The following FBXO21 variants were observed in gnomAD, a reference collection of about 807,000 sequenced individuals.
FBXO21 encodes F-box protein 21, also known as F-box only protein 21.
A neutral mutation model predicts 76.6 loss-of-function variants in FBXO21; 32 were observed. The ratio of observed to expected loss-of-function variants is 0.42; its 90% CI spans 0.32 to 0.56. FBXO21 has a LOEUF of 0.56. FBXO21 is among the 20% of genes least tolerant of loss of function. The probability of loss-of-function intolerance (pLI) is 0.16; values close to 1 mark genes in which losing one functional copy is unlikely to be tolerated. For synonymous variants in FBXO21, 328 were observed against 311.5 expected, an observed-to-expected ratio of 1.05 and a Z score of -0.56; for missense variants, 586 against 797.3, an observed-to-expected ratio of 0.73 and a Z score of 3.19.
chr12:117,166,146 C>T (rs1050449478), intron 8 of FBXO21, among the ~76,000 whole-genome samples: 5 of 148,452 alleles, frequency 3.4e-5, no homozygotes, highest in Non-Finnish European at 5.9e-5. Flanking sequence ...ACTGAGATCA[C>T]GCCATTGCAC....
intron 11 of FBXO21, among the ~76,000 whole-genome samples, chr12:117,150,949 A>G (rs1420094590): frequency 2.6e-5 from 3 of 116,792 alleles, no homozygotes; most frequent in African/African-American, 7.1e-5. Context: ...GGAAGTATCA[A>G]ATAAGTTTGT....
chr12:117,151,257 C>A (rs995757097), intron 11 of FBXO21, among the ~76,000 whole-genome samples: 1 of 152,100 alleles, frequency 6.6e-6, no homozygotes, highest in African/African-American at 2.4e-5. Context: ...CACTCTCCCA[C>A]CCAGGGCCAT....
intron 9 of FBXO21, among the ~76,000 whole-genome samples, chr12:117,158,950 T>TA (rs1401907536): frequency 6.6e-6 from 1 of 152,206 alleles, no homozygotes; most frequent in Non-Finnish European, 1.5e-5. Context: ...TCCTTCCAAT[T>TA]TACTGAGTCC....
intron 2 of FBXO21, among the ~76,000 whole-genome samples, chr12:117,188,520 G>T (rs558557194): frequency 6.6e-6 from 1 of 151,844 alleles, no homozygotes; most frequent in Admixed American, 6.6e-5. Flanking sequence ...ACTCCAGCCG[G>T]GGAGACAAAG....
chr12:117,166,178 G>A (rs1222487797), intron 8 of FBXO21, among the ~76,000 whole-genome samples: 1 of 131,432 alleles, frequency 7.6e-6, no homozygotes, highest in Non-Finnish European at 1.6e-5. Context: ...CAACAAGAGC[G>A]AAACTATGTC....
chr12:117,189,243 C>CTCTTT lies in FBXO21; in HGVS notation c.354_358dup (p.Arg120LysfsTer35). ...GATCCTTACGTGCTCTGAAAAGAAC[C>CTCTTT]TCTTTGAGAACGAGGCTACAATCTT... On this transcript the variant is annotated frameshift_variant, in exon 2 of 12. Coordinates refer to ENST00000622495, the MANE Select transcript of FBXO21 (RefSeq NM_015002.3). LOFTEE classifies it high-confidence loss of function. 6.2e-7 allele frequency: 1 copy of CTCTTT among 1,614,206 alleles called. No homozygotes were observed. Among genetic ancestry groups the CTCTTT allele is most frequent in the Non-Finnish European group, 8.5e-7 (1 of 1,180,046 alleles).
chr12:117,150,866 A>G (rs920364086), intron 11 of FBXO21, among the ~76,000 whole-genome samples: 2 of 78,174 alleles, frequency 2.6e-5, no homozygotes, highest in African/African-American at 5.3e-5. Flanking sequence ...ACAGCTGGCC[A>G]TGGACTGTGT....
At chr12:117,153,091 C>CA (rs2135849254) in intron 11 of FBXO21, among the ~76,000 whole-genome samples, 1 of 152,112 alleles carries the variant, frequency 6.6e-6, no homozygotes, top group African/African-American at 2.4e-5. Context: ...ATTCAAGCAG[C>CA]AAGTGGCCCG....
chr12:117,166,624 G>A (rs1357223733), intron 8 of FBXO21, among the ~76,000 whole-genome samples: 1 of 152,172 alleles, frequency 6.6e-6, no homozygotes. Context: ...AAACAAGACA[G>A]TTTCATATTT....
chr12:117,175,539 TC>T (rs1355586995), intron 4 of FBXO21, among the ~76,000 whole-genome samples: 1 of 152,220 alleles, frequency 6.6e-6, no homozygotes, highest in Non-Finnish European at 1.5e-5. Flanking sequence ...GAACCTGGAC[TC>T]CCTTACCAAT....
At chr12:117,169,224 A>G (rs540205317) in intron 7 of FBXO21, among the ~76,000 whole-genome samples, 1 of 152,248 alleles carries the variant, frequency 6.6e-6, no homozygotes, top group Non-Finnish European at 1.5e-5. Flanking sequence ...ACAAAGGAAC[A>G]GAAAACCAAA....
At chr12:117,168,275 C>A (rs958052741) in intron 7 of FBXO21, among the ~76,000 whole-genome samples, 6 of 152,160 alleles carry the variant, frequency 3.9e-5, no homozygotes, top group Non-Finnish European at 8.8e-5. Flanking sequence ...CCTGTAATCT[C>A]AGCACTTTGG....
At chr12:117,147,979 G>A (rs1040764753) in intron 11 of FBXO21, among the ~76,000 whole-genome samples, 3 of 152,218 alleles carry the variant, frequency 2.0e-5, no homozygotes, top group Non-Finnish European at 4.4e-5. Flanking sequence ...TCACCGACAC[G>A]AACAGCGTGG....
At chr12:117,181,707 C>T (rs1956236102) in intron 3 of FBXO21, among the ~76,000 whole-genome samples, 1 of 151,966 alleles carries the variant, frequency 6.6e-6, no homozygotes, top group African/African-American at 2.4e-5. Flanking sequence ...TGGAGTGCAG[C>T]GGCATAATGT....
At chr12:117,158,860 C>T (rs76164503) in intron 9 of FBXO21, among the ~76,000 whole-genome samples, 1,662 of 152,300 alleles carry the variant, frequency 0.011, 29 homozygotes, top group African/African-American at 0.038. Context: ...AAAAACTCCA[C>T]GTTTAAAAAG....
chr12:117,154,721 G>A (rs1344787027), intron 11 of FBXO21, among the ~76,000 whole-genome samples: 2 of 152,144 alleles, frequency 1.3e-5, no homozygotes, highest in Non-Finnish European at 2.9e-5. Context: ...TCACCCTCTC[G>A]AAGTGCTGGG....
intron 2 of FBXO21, among the ~76,000 whole-genome samples, chr12:117,186,787 T>C (rs1472058402): frequency 6.6e-6 from 1 of 152,216 alleles, no homozygotes; most frequent in Non-Finnish European, 1.5e-5. Context: ...GATGTTTTCA[T>C]AGACTGGAAT....
chr12:117,172,564 A>G lies in FBXO21; in HGVS notation c.920T>C (p.Leu307Pro). The G allele has an allele frequency of 6.2e-7, 1 of 1,614,056 alleles. No homozygotes were observed. The highest frequency in any genetic ancestry group is 8.5e-7 in the Non-Finnish European group (1 of 1,179,880). ...RTGIPISMSL[L>P]YLTIARQLGV... ...CAACTGCCGAGCAATTGTCAAATAG[A>G]GCAGAGACATGCTGATTGGGATTCC... The change falls in exon 7 of 12, where the codon CTC becomes CCC. Residue 307 changes from leucine (L) to proline (P), a missense_variant. Leu to Pro is a moderately conservative substitution (Grantham distance 98). This residue lies in a region of FBXO21 where 246 missense variants were observed against 356.8 expected (regional missense o/e 0.69). Coordinates refer to ENST00000622495, the MANE Select transcript of FBXO21 (RefSeq NM_015002.3).
rs1221489665 is a variant in FBXO21, at chr12:117,142,318, C to T, written c.*3769G>A. On this transcript the variant is annotated 3_prime_UTR_variant, in exon 12 of 12. Transcript: ENST00000622495. ...CACACGCAGTATGACCTGGGTTTCCCCTTTATACAGTGGAATGCTAAGTGC... is the reference window on the plus strand; with the variant it reads ...CACACGCAGTATGACCTGGGTTTCCTCTTTATACAGTGGAATGCTAAGTGC... 1.3e-5 allele frequency: 2 copies of T among 152,248 alleles called. No homozygotes were observed. Among genetic ancestry groups the T allele is most frequent in the African/African-American group, 2.4e-5 (1 of 41,416 alleles). 9.4% of individuals were successfully genotyped at this position (152,248 alleles called of 1,614,324 possible). A position where few individuals can be genotyped will look rare whatever the true frequency, so the allele number is the denominator to read the frequency against.
Sources: gnomAD v4.1 joint callset for allele counts (sites outside exome capture counted in the v4.1 genomes callset) on GRCh38, gnomAD v4.1.1 for gene constraint, gnomAD v4.1.1 regional missense constraint, MANE v1.5 for transcripts, NCBI Gene and HGNC (gene_info 2026-07-23, HGNC 2026-07-21) for gene names.